Variants in SSBP4 observed in about 807,000 individuals in gnomAD.
The protein encoded by SSBP4 is single stranded DNA binding protein 4, also known as single-stranded DNA-binding protein 4.
SSBP4 carries 33 observed loss-of-function variants against 64.6 expected under a neutral mutation model. The observed-to-expected ratio is 0.51, with a 90% CI of 0.39 to 0.68. The LOEUF (loss-of-function observed/expected upper bound fraction) is 0.68. Ranked by LOEUF, SSBP4 falls within the 30% of genes least tolerant of loss-of-function variation. The probability of loss-of-function intolerance (pLI) is 0.00; values close to 1 mark genes in which losing one functional copy is unlikely to be tolerated. For missense variants in SSBP4, 583 were observed against 566.8 expected (o/e 1.03, Z -0.29); for synonymous variants, 243 against 224.0 (o/e 1.08, Z -0.76).
At chr19:18,433,954 C>T in intron 17 of SSBP4, 137 bp downstream of exon 17, 4 of 1,196,144 alleles carry the variant, frequency 3.3e-6, no homozygotes, top group African/African-American at 1.6e-5. Flanking sequence ...GCCGCGGCAT[C>T]CTTTCCCTCT....
chr19:18,434,145 C>T (rs144961476), intron 17 of SSBP4, 72 bp from the exon 18 acceptor site: 5 of 1,602,754 alleles, frequency 3.1e-6, no homozygotes, highest in Non-Finnish European at 2.6e-6. Flanking sequence ...CCCCATTGTC[C>T]CTGGGGGCGG....
the SSBP4 span, among the ~76,000 whole-genome samples, chr19:18,413,379 AT>A: frequency 1.3e-5 from 2 of 151,906 alleles, no homozygotes; most frequent in Admixed American, 1.3e-4. Context: ...CGCCTGGCTA[AT>A]TTTTTGTAAT....
intron 14 of SSBP4, 32 bp downstream of exon 14, chr19:18,433,075 G>A (rs747292762): frequency 7.4e-6 from 12 of 1,613,854 alleles, no homozygotes; most frequent in Non-Finnish European, 9.3e-6. Flanking sequence ...TGCTTCTCGA[G>A]GCGGTGACCC....
chr19:18,426,567 C>G lies in SSBP4; in HGVS notation c.60-784C>G, dbSNP rs952276010. On this transcript the variant is annotated intron_variant, in intron 1 of 17. Coordinates refer to ENST00000270061, the MANE Select transcript of SSBP4 (RefSeq NM_032627.5). This position sits in a 1 kb window ranked among gnomAD's most constrained non-coding sequence, Gnocchi z 4.5. ...GACTGGAGCGGGGTGGACAGTCCGG[C>G]CTCCCCCTGTGACCTGCAGAGGGCC... Among the ~76,000 whole-genome samples the G allele has an allele frequency of 6.6e-6, 1 of 152,132 alleles. No individual in the cohort carries two copies. The highest frequency in any genetic ancestry group is 1.5e-5 in the Non-Finnish European group (1 of 68,006).
At chr19:18,432,373 A>G (rs1973480660) in intron 10 of SSBP4, among the ~76,000 whole-genome samples, 159 bp downstream of exon 10, 1 of 152,194 alleles carries the variant, frequency 6.6e-6, no homozygotes. Flanking sequence ...AGTAGCAATT[A>G]GTCTCCTGGG....
At chr19:18,404,708 C>T in the SSBP4 span, among the ~76,000 whole-genome samples, 12 of 149,906 alleles carry the variant, frequency 8.0e-5, no homozygotes, top group African/African-American at 1.5e-4. Flanking sequence ...CTGGCTAACA[C>T]GGTGAAACCC....
rs576068747 is a variant in SSBP4, at chr19:18,422,093, A to G, written c.59+2386A>G. On this transcript the variant is annotated intron_variant, in intron 1 of 17. Coordinates refer to ENST00000270061, the MANE Select transcript of SSBP4 (RefSeq NM_032627.5). ...AAAGGATCGCTTGAACCTAGGAGGT[A>G]GAGGTTGCAGTGAGCTGAGATCGTG... Among the ~76,000 whole-genome samples, 21 of 152,276 alleles carry G rather than the reference A, an allele frequency of 1.4e-4. 1 individual carries two copies. In the East Asian group the frequency reaches 4.0e-3, roughly 29 times the overall value.
At position 18,433,702 on chromosome 19, in the gene SSBP4, G is replaced by A. The variant is rs1010290004; in HGVS notation, c.1021-8G>A. 7.0e-7 allele frequency: 1 copy of A among 1,426,666 alleles called. No individual in the cohort carries two copies. The allele number at this position is 1,426,666 out of a possible 1,614,324, so 88.4% of individuals were successfully genotyped here. A position where few individuals can be genotyped will look rare whatever the true frequency, so the allele number is the denominator to read the frequency against. On this transcript the variant is annotated splice_region_variant and splice_polypyrimidine_tract_variant and intron_variant, in intron 16 of 17. Coordinates refer to ENST00000270061, the MANE Select transcript of SSBP4 (RefSeq NM_032627.5). ...GGGGAGTTGCGAGCCGACGGCGGCC[G>A]CCCCCAGAGTTCCCCCGGCGCCGTG...
upstream of SSBP4, chr19:18,419,355 G>A (rs1972257585): frequency 9.8e-7 from 1 of 1,022,020 alleles, no homozygotes; most frequent in Non-Finnish European, 1.2e-6. Flanking sequence ...GCGGCGTAGA[G>A]GCAGCGGGCG....
the SSBP4 span, among the ~76,000 whole-genome samples, chr19:18,404,891 CAAAAAAAA>C: frequency 7.0e-3 from 312 of 44,570 alleles, 8 homozygotes; most frequent in African/African-American, 0.027. Flanking sequence ...GACTCCATCT[CAAAAAAAA>C]AAAAAAAAAA....
At chr19:18,420,833 A>G (rs142744146) in intron 1 of SSBP4, among the ~76,000 whole-genome samples, 1,576 of 151,374 alleles carry the variant, frequency 0.01, 9 homozygotes, top group African/African-American at 0.02. Flanking sequence ...GCCTGGCGAC[A>G]GAGCCAGATT....
chr19:18,434,035 C>T (rs1192671839), intron 17 of SSBP4, 182 bp from the exon 18 acceptor site: 1 of 1,302,386 alleles, frequency 7.7e-7, no homozygotes, highest in African/African-American at 1.5e-5. Flanking sequence ...CGCCCCCACC[C>T]CGGGACCCGC....
intron 1 of SSBP4, among the ~76,000 whole-genome samples, chr19:18,421,149 C>G (rs1292096488): frequency 1.3e-5 from 2 of 152,342 alleles, no homozygotes; most frequent in South Asian, 2.1e-4. Flanking sequence ...GATGCCCCAC[C>G]CCTCCACAAA....
In SSBP4 at chr19:18,431,628, C is replaced by T. The variant is rs1473928697; in HGVS notation, c.436-19C>T. ...CCAGAGGGTGGGGGAAGGTGCTGAT[C>T]CCCGCCCACCTCTTCCAGCCCTTCA... On this transcript the variant is annotated intron_variant, in intron 6 of 17. Coordinates refer to ENST00000270061, the MANE Select transcript of SSBP4 (RefSeq NM_032627.5). The T allele has an allele frequency of 1.3e-6, 2 of 1,537,494 alleles. No individual in the cohort carries two copies. The highest frequency in any genetic ancestry group is 2.0e-5 in the Admixed American group (1 of 50,972).
At chr19:18,434,116 G>A in intron 17 of SSBP4, 101 bp from the exon 18 acceptor site, 1 of 1,544,020 alleles carries the variant, frequency 6.5e-7, no homozygotes, top group South Asian at 1.2e-5. Context: ...GTCTGCCCAG[G>A]ACCCAGCCCT....
Position 18,430,883 on chromosome 19 carries a change from C to T in SSBP4, c.322C>T (p.Pro108Ser). The T allele has an allele frequency of 1.9e-6, 3 of 1,613,342 alleles. No homozygotes were observed. Among genetic ancestry groups the T allele is most frequent in the Non-Finnish European group, 2.5e-6 (3 of 1,179,870 alleles). ...APSPVMGSMAPGDTMAAGSMA... is the reference protein window; with the variant it reads ...APSPVMGSMASGDTMAAGSMA... ...CAGCCCCGTTATGGGGAGTATGGCCCCAGGTGACACAATGGCCGCAGGCTC... is the reference window on the plus strand; with the variant it reads ...CAGCCCCGTTATGGGGAGTATGGCCTCAGGTGACACAATGGCCGCAGGCTC... Residue 108 changes from proline (P) to serine (S), a missense_variant, in exon 5 of 18, where the codon CCA becomes TCA. Physicochemically the swap from Pro to Ser is moderately conservative, Grantham distance 74 (BLOSUM62 -1). Coordinates refer to ENST00000270061, the MANE Select transcript of SSBP4 (RefSeq NM_032627.5).
intron 4 of SSBP4, among the ~76,000 whole-genome samples, chr19:18,429,426 A>G (rs1973152203): frequency 6.8e-6 from 1 of 146,578 alleles, no homozygotes; most frequent in Admixed American, 6.7e-5. Flanking sequence ...GCCCGGGATT[A>G]ACTGCTCAGG....
At position 18,427,567 on chromosome 19, in the gene SSBP4, G is replaced by T. The variant is rs1600316172; in HGVS notation, c.132+144G>T. ...GGGCTCTGCAGGGTCCAGGCCCTGGGCTAGCATCCAGGCATCTGGTCCACA... is the reference window on the plus strand; with the variant it reads ...GGGCTCTGCAGGGTCCAGGCCCTGGTCTAGCATCCAGGCATCTGGTCCACA... On this transcript the variant is annotated intron_variant, in intron 2 of 17. Transcript: ENST00000270061. The surrounding 1 kb of genome is among the most constrained non-coding windows in gnomAD (Gnocchi z 4.4). 1 of 1,251,264 alleles carries T rather than the reference G, an allele frequency of 8.0e-7. No individual in the cohort carries two copies. The highest frequency in any genetic ancestry group is 1.1e-6 in the Non-Finnish European group (1 of 915,342). 77.5% of individuals were successfully genotyped at this position (1,251,264 alleles called of 1,614,324 possible).
the SSBP4 span, among the ~76,000 whole-genome samples, chr19:18,412,207 A>G: frequency 6.6e-6 from 1 of 152,026 alleles, no homozygotes; most frequent in East Asian, 1.9e-4. Context: ...TCATGCCTGT[A>G]ATCCCAGCAC....
Sources: gnomAD v4.1 joint callset for allele counts (sites outside exome capture counted in the v4.1 genomes callset) on GRCh38, gnomAD v4.1.1 for gene constraint, Gnocchi (gnomAD v3.1) non-coding constraint, MANE v1.5 for transcripts, NCBI Gene and HGNC (gene_info 2026-07-23, HGNC 2026-07-21) for gene names.